KIAA0232: variants seen among roughly 807,000 people sequenced by gnomAD.
KIAA0232 encodes the protein KIAA0232, also known as uncharacterized protein KIAA0232.
Under a neutral mutation model 122.0 loss-of-function variants are expected in KIAA0232, and 27 were observed. The ratio of observed to expected loss-of-function variants is 0.22; its 90% confidence interval spans 0.16 to 0.31. KIAA0232 has a LOEUF of 0.31. Ranked by LOEUF, KIAA0232 falls within the 10% of genes least tolerant of loss-of-function variation. KIAA0232 has a pLI of 1.00. For synonymous variants in KIAA0232, 613 were observed against 587.6 expected, an observed-to-expected ratio of 1.04 and a Z score of -0.63; for missense variants, 1,551 against 1,634.2, an observed-to-expected ratio of 0.95 and a Z score of 0.88.
chr4:6,860,409 T>C (rs1440562098), intron 6 of KIAA0232, among the ~76,000 whole-genome samples: 1 of 152,198 alleles, frequency 6.6e-6, no homozygotes, highest in African/African-American at 2.4e-5. Flanking sequence ...GCTACCGAGC[T>C]TTTTAACCGC....
intron 1 of KIAA0232, among the ~76,000 whole-genome samples, chr4:6,785,843 A>G (rs1716597434): frequency 6.6e-6 from 1 of 152,224 alleles, no homozygotes; most frequent in Non-Finnish European, 1.5e-5. Context: ...CACACTGTCC[A>G]GCTAAACAAG....
chr4:6,876,403 G>T (rs958813225), intron 8 of KIAA0232, among the ~76,000 whole-genome samples: 4 of 152,160 alleles, frequency 2.6e-5, no homozygotes, highest in African/African-American at 9.7e-5. Flanking sequence ...TAGAATAACA[G>T]GAGTGTATGG....
intron 3 of KIAA0232, among the ~76,000 whole-genome samples, chr4:6,837,677 C>T (rs937834292): frequency 3.9e-5 from 6 of 152,202 alleles, no homozygotes; most frequent in East Asian, 3.9e-4. Flanking sequence ...CTCGGGAGGC[C>T]GAAGCTGGCA....
intron 7 of KIAA0232, among the ~76,000 whole-genome samples, chr4:6,864,461 G>A (rs1023274986): frequency 2.6e-5 from 4 of 152,180 alleles, no homozygotes; most frequent in East Asian, 1.9e-4. Flanking sequence ...GTTATTGGCC[G>A]GGTGCAGTGG....
chr4:6,864,219 T>A (rs370837868), intron 7 of KIAA0232, 36 bp downstream of exon 7: 90 of 1,556,988 alleles, frequency 5.8e-5, no homozygotes, highest in Non-Finnish European at 6.5e-5. Flanking sequence ...ACAAAAGGAT[T>A]TGATCAGAGT....
intron 2 of KIAA0232, among the ~76,000 whole-genome samples, chr4:6,813,361 T>G (rs540789286): frequency 6.4e-4 from 97 of 151,380 alleles, no homozygotes; most frequent in South Asian, 1.9e-3. Context: ...GTTTTTTTTT[T>G]TTTGTTTTTT....
chr4:6,792,614 T>C (rs183055510), intron 1 of KIAA0232, among the ~76,000 whole-genome samples: 1 of 152,224 alleles, frequency 6.6e-6, no homozygotes, highest in East Asian at 1.9e-4. Flanking sequence ...TTTATGAGCC[T>C]GTAATTGCAT....
chr4:6,814,380 T>G (rs76498957), intron 2 of KIAA0232, among the ~76,000 whole-genome samples: 26 of 142,882 alleles, frequency 1.8e-4, no homozygotes, highest in African/African-American at 5.7e-4. Flanking sequence ...TAGTTGGTTG[T>G]TTTTTTTTTT....
Position 6,862,082 on chromosome 4 carries a change from G to A in KIAA0232, c.1700G>A (p.Trp567Ter). Residue 567 changes from tryptophan (W) to a stop codon, truncating the protein, a stop_gained, in exon 7 of 10, where the codon TGG (tryptophan) becomes TAG (stop). Coordinates refer to ENST00000307659, the MANE Select transcript of KIAA0232 (RefSeq NM_014743.3). LOFTEE classifies it high-confidence loss of function. Reference protein sequence around the residue: ...GMELQGERAIWTDSTSSVGAE... With the variant: ...GMELQGERAI Reference sequence around the variant, plus strand: ...GAGTTGCAAGGGGAACGTGCAATATGGACAGATTCTACCAGCTCCGTAGGT... The same window carrying A: ...GAGTTGCAAGGGGAACGTGCAATATAGACAGATTCTACCAGCTCCGTAGGT... 1 of 1,614,180 alleles carries A rather than the reference G, an allele frequency of 6.2e-7. No homozygotes were observed. The highest frequency in any genetic ancestry group is 8.5e-7 in the Non-Finnish European group (1 of 1,180,030).
chr4:6,846,140 G>A (rs978088457), intron 4 of KIAA0232, among the ~76,000 whole-genome samples: 1 of 150,936 alleles, frequency 6.6e-6, no homozygotes, highest in Non-Finnish European at 1.5e-5. Flanking sequence ...TCATAACAAC[G>A]ATTTTTAAAA....
Position 6,862,599 on chromosome 4 carries a change from C to T in KIAA0232, c.2217C>T (p.Ala739=), listed in dbSNP as rs140804894. ...IQFEESTQFN[A]EDINYVVPRV... ...TTGAAGAATCCACACAGTTTAATGCCGAAGATATTAATTATGTAGTTCCTA... is the reference window on the plus strand; with the variant it reads ...TTGAAGAATCCACACAGTTTAATGCTGAAGATATTAATTATGTAGTTCCTA... The change falls in exon 7 of 10, where the codon GCC becomes GCT. Residue 739 remains alanine, a synonymous_variant. Coordinates refer to ENST00000307659, the MANE Select transcript of KIAA0232 (RefSeq NM_014743.3). 211 of 1,613,592 alleles carry T rather than the reference C, an allele frequency of 1.3e-4. No homozygotes were observed. In the East Asian group the frequency reaches 4.2e-3, roughly 32 times the overall value.
In KIAA0232 at chr4:6,862,828, CATGGAG is replaced by C; in HGVS notation, c.2451_2456del (p.Asp818_Gly819del). On this transcript the variant is annotated inframe_deletion, in exon 7 of 10. Coordinates refer to ENST00000307659, the MANE Select transcript of KIAA0232 (RefSeq NM_014743.3). Reference sequence around the variant, plus strand: ...TACACAAGTATGTAATGAAAGTCCACATGGAGATGGCTACAGCTCAGGGGTTATTAA... The same window carrying C: ...TACACAAGTATGTAATGAAAGTCCACATGGCTACAGCTCAGGGGTTATTAA... 2 of 1,614,146 alleles carry C rather than the reference CATGGAG, an allele frequency of 1.2e-6. No homozygotes were observed. Among genetic ancestry groups the C allele is most frequent in the Non-Finnish European group, 1.7e-6 (2 of 1,180,022 alleles).
At chr4:6,847,094 A>G (rs1322767193) in intron 4 of KIAA0232, among the ~76,000 whole-genome samples, 1 of 152,206 alleles carries the variant, frequency 6.6e-6, no homozygotes, top group Non-Finnish European at 1.5e-5. Flanking sequence ...TATATTAAAT[A>G]TAAGTATAGG....
intron 3 of KIAA0232, among the ~76,000 whole-genome samples, chr4:6,836,281 C>G (rs868583002): frequency 2.0e-5 from 3 of 150,212 alleles, no homozygotes; most frequent in Non-Finnish European, 4.4e-5. Flanking sequence ...TGAGAAGTGT[C>G]TATGCATATC....
At chr4:6,810,034 C>T (rs1223796554) in intron 2 of KIAA0232, among the ~76,000 whole-genome samples, 1 of 152,080 alleles carries the variant, frequency 6.6e-6, no homozygotes, top group Non-Finnish European at 1.5e-5. Flanking sequence ...AATGTAACCC[C>T]TATCAAAATA....
chr4:6,799,115 T>C (rs2108910359), intron 1 of KIAA0232, among the ~76,000 whole-genome samples: 1 of 152,116 alleles, frequency 6.6e-6, no homozygotes, highest in Middle Eastern at 3.4e-3. Flanking sequence ...TCTTAGCGTC[T>C]GGTGGTTATT....
intron 7 of KIAA0232, among the ~76,000 whole-genome samples, chr4:6,864,855 A>G (rs529691999): frequency 6.4e-4 from 97 of 152,268 alleles, no homozygotes; most frequent in African/African-American, 2.1e-3. Context: ...AGTGTAGCAA[A>G]CCTGTCTAAC....
At chr4:6,802,649 C>T (rs774636880) in intron 1 of KIAA0232, among the ~76,000 whole-genome samples, 12 of 151,486 alleles carry the variant, frequency 7.9e-5, no homozygotes, top group Non-Finnish European at 1.6e-4. Context: ...AAGTTGACTC[C>T]AACCAGAATG....
At chr4:6,802,803 G>A (rs1414629202) in intron 1 of KIAA0232, among the ~76,000 whole-genome samples, 1 of 152,012 alleles carries the variant, frequency 6.6e-6, no homozygotes, top group African/African-American at 2.4e-5. Flanking sequence ...ATTAATTGGT[G>A]TGAGGTTCTC....
Sources: gnomAD v4.1 joint callset for allele counts (sites outside exome capture counted in the v4.1 genomes callset) on GRCh38, gnomAD v4.1.1 for gene constraint, MANE v1.5 for transcripts, NCBI Gene and HGNC (gene_info 2026-07-23, HGNC 2026-07-21) for gene names.